The following FNDC3A variants were observed in gnomAD, a reference collection of about 807,000 sequenced individuals.
FNDC3A encodes the protein fibronectin type-III domain-containing protein 3A.
FNDC3A carries 32 observed loss-of-function variants against 148.9 expected under a neutral mutation model. The observed-to-expected ratio is 0.21, with a 90% CI of 0.16 to 0.29. The LOEUF is 0.29. FNDC3A is among the 10% of genes least tolerant of loss of function. FNDC3A has a pLI of 1.00. For synonymous variants in FNDC3A, 472 were observed against 473.6 expected (o/e 1.00, Z 0.04); for missense variants, 1,191 against 1,452.8 (o/e 0.82, Z 2.93).
chr13:49,114,529 T>C, intron 3 of FNDC3A, 126 bp from the exon 4 acceptor site: 1 of 618,500 alleles, frequency 1.6e-6, no homozygotes, highest in Non-Finnish European at 2.9e-6. Flanking sequence ...AATTTCTTTT[T>C]ATAAAAATGT....
intron 5 of FNDC3A, 127 bp from the exon 6 acceptor site, chr13:49,136,205 A>G (rs1287084407): frequency 1.3e-6 from 1 of 779,368 alleles, no homozygotes; most frequent in Non-Finnish European, 2.0e-6. Flanking sequence ...TTGCTTTGTT[A>G]TGCAAAATTC....
At chr13:49,151,801 T>A (rs979352545) in intron 8 of FNDC3A, among the ~76,000 whole-genome samples, 2 of 152,194 alleles carry the variant, frequency 1.3e-5, no homozygotes, top group Admixed American at 6.5e-5. Context: ...ATTGTTCAAT[T>A]TCCACCTATG....
At chr13:49,001,213 C>T (rs1010337295) in intron 1 of FNDC3A, among the ~76,000 whole-genome samples, 4 of 152,214 alleles carry the variant, frequency 2.6e-5, no homozygotes, top group African/African-American at 4.8e-5. Context: ...TTACTGCGAT[C>T]TCCAAACATA....
At chr13:49,023,889 C>A (rs1873508934) in intron 2 of FNDC3A, among the ~76,000 whole-genome samples, 1 of 151,858 alleles carries the variant, frequency 6.6e-6, no homozygotes, top group Admixed American at 6.6e-5. Context: ...TTGAGTTCTG[C>A]TTTTTCAACT....
In FNDC3A at chr13:49,207,605, T is replaced by G; in HGVS notation, c.*210T>G. 2.3e-6 allele frequency: 1 copy of G among 440,826 alleles called. No individual in the cohort carries two copies. Among genetic ancestry groups the G allele is most frequent in the Non-Finnish European group, 4.0e-6 (1 of 249,140 alleles). The allele number at this position is 440,826 out of a possible 1,614,324, so 27.3% of individuals were successfully genotyped here. On this transcript the variant is annotated 3_prime_UTR_variant, in exon 26 of 26. Coordinates refer to ENST00000492622, the MANE Select transcript of FNDC3A (RefSeq NM_001079673.2). ...ACAAAAATATCAATTTTGTTTTTTT[T>G]GTTAGGGTGGGTCTTCTTTTTTTCT...
At chr13:49,110,218 C>G (rs1361387040) in intron 3 of FNDC3A, 11 of 641,768 alleles carry the variant, frequency 1.7e-5, no homozygotes, top group African/African-American at 7.6e-5. Flanking sequence ...TTTTTTCCCC[C>G]TTGCCCTTTC....
At chr13:49,013,878 G>A (rs1259463883) in intron 2 of FNDC3A, among the ~76,000 whole-genome samples, 1 of 151,510 alleles carries the variant, frequency 6.6e-6, no homozygotes, top group Non-Finnish European at 1.5e-5. Flanking sequence ...GTAGTTTACT[G>A]AGAATGATGA....
chr13:49,122,081 A>T (rs975664995), intron 4 of FNDC3A, among the ~76,000 whole-genome samples: 3 of 152,206 alleles, frequency 2.0e-5, no homozygotes, highest in African/African-American at 7.2e-5. Flanking sequence ...CCTGATGAAG[A>T]TCAATGTGAA....
chr13:49,087,435 T>C (rs1386245439), intron 3 of FNDC3A, among the ~76,000 whole-genome samples: 1 of 152,100 alleles, frequency 6.6e-6, no homozygotes, highest in African/African-American at 2.4e-5. Flanking sequence ...GGTAGAAATA[T>C]GAATATAAAA....
At chr13:49,005,219 G>T (rs953154231) in intron 1 of FNDC3A, among the ~76,000 whole-genome samples, 2 of 151,772 alleles carry the variant, frequency 1.3e-5, no homozygotes, top group South Asian at 2.1e-4. Flanking sequence ...CAGCAGTCAA[G>T]ATTTTAAATA....
chr13:49,055,241 A>G (rs147220199), intron 2 of FNDC3A, among the ~76,000 whole-genome samples: 1 of 152,040 alleles, frequency 6.6e-6, no homozygotes, highest in African/African-American at 2.4e-5. Context: ...GTAGCTGGGA[A>G]TACAAGCATG....
At chr13:49,188,466 C>T (rs778679743) in intron 16 of FNDC3A, 49 bp from the exon 17 acceptor site, 22 of 1,114,648 alleles carry the variant, frequency 2.0e-5, no homozygotes, top group Admixed American at 5.2e-5. Context: ...GATACCAGAA[C>T]GTTAAACATT....
chr13:49,136,136 T>G (rs756999918), intron 5 of FNDC3A, among the ~76,000 whole-genome samples, 196 bp from the exon 6 acceptor site: 8 of 152,168 alleles, frequency 5.3e-5, no homozygotes, highest in Non-Finnish European at 8.8e-5. Context: ...GAGAGAGAGA[T>G]ATATATAATT....
chr13:49,161,962 C>A (rs1351773933), intron 8 of FNDC3A, among the ~76,000 whole-genome samples: 1 of 152,248 alleles, frequency 6.6e-6, no homozygotes, highest in East Asian at 1.9e-4. Context: ...TGTAGGGTTT[C>A]TGCCGAGAGA....
chr13:49,000,464 C>A (rs2137585802), intron 1 of FNDC3A, among the ~76,000 whole-genome samples: 1 of 152,318 alleles, frequency 6.6e-6, no homozygotes, highest in Non-Finnish European at 1.5e-5. Flanking sequence ...CAGTACCACA[C>A]TGTTTTGATT....
At chr13:49,033,563 T>G (rs1337413028) in intron 2 of FNDC3A, among the ~76,000 whole-genome samples, 2 of 151,918 alleles carry the variant, frequency 1.3e-5, no homozygotes. Context: ...TTGAAACAAA[T>G]TAGAATAGAT....
chr13:49,002,529 A>G (rs1045961593), intron 1 of FNDC3A, among the ~76,000 whole-genome samples: 2 of 152,186 alleles, frequency 1.3e-5, no homozygotes, highest in African/African-American at 2.4e-5. Flanking sequence ...TAATCATCAC[A>G]TAATAGCCCC....
At chr13:49,017,883 A>G (rs1593476607) in intron 2 of FNDC3A, among the ~76,000 whole-genome samples, 3 of 152,058 alleles carry the variant, frequency 2.0e-5, no homozygotes, top group Admixed American at 2.0e-4. Flanking sequence ...CTGGATATGA[A>G]ATTCTGGGTT....
At chr13:49,122,796 G>A (rs977989685) in intron 4 of FNDC3A, among the ~76,000 whole-genome samples, 17 of 152,180 alleles carry the variant, frequency 1.1e-4, no homozygotes, top group African/African-American at 3.9e-4. Context: ...TACAAGGGAT[G>A]TGAAAGACCT....
Sources: allele counts gnomAD v4.1 joint callset (sites outside exome capture counted in the v4.1 genomes callset), GRCh38; gene constraint gnomAD v4.1.1; transcripts MANE v1.5; gene names NCBI Gene and HGNC (gene_info 2026-07-23, HGNC 2026-07-21).